Variants in MUC4 observed in about 807,000 individuals in gnomAD.
MUC4 encodes mucin 4, cell surface associated, also known as mucin-4.
In MUC4, 202 loss-of-function variants were observed where a neutral mutation model predicts 257.9. The ratio of observed to expected loss-of-function variants is 0.78; its 90% CI spans 0.70 to 0.88. The LOEUF is 0.88. Ranked by LOEUF, MUC4 falls within the 40% of genes least tolerant of loss-of-function variation. MUC4 has a pLI of 0.00. For synonymous variants in MUC4, 2,351 were observed against 2,757.1 expected (o/e 0.85, Z 4.62); for missense variants, 5,976 against 6,513.7 (o/e 0.92, Z 2.84).
rs189235965 is a variant in MUC4, at chr3:195,764,168, C to T, written c.13925-4G>A. 575 of 1,561,516 alleles carry T rather than the reference C, an allele frequency of 3.7e-4. 1 individual carries two copies. Among genetic ancestry groups the T allele is most frequent in the South Asian group, 4.6e-4 (39 of 84,958 alleles). On this transcript the variant is annotated splice_polypyrimidine_tract_variant and splice_region_variant and intron_variant, in intron 10 of 24. Transcript: ENST00000463781. ...CTCTGTGGCTCCAGTTCCTGGGCTG[C>T]GGAGAACAGCAGTGAGTCGGGGAGG...
rs1235920304 is a variant in MUC4 at position 195,810,520 on chromosome 3, TC to T, written c.82+1215del. ...ACATCTCCCACAGGCCTGGCATCCC[TC>T]CCCTCCCAGCTCTGTACACGGAGGA... On this transcript the variant is annotated intron_variant, in intron 1 of 24. Coordinates refer to ENST00000463781, the MANE Select transcript of MUC4 (RefSeq NM_018406.7). The surrounding 1 kb of genome is among the most constrained non-coding windows in gnomAD (Gnocchi z 4.2). Among the ~76,000 whole-genome samples, 3 of 151,738 alleles carry T rather than the reference TC, an allele frequency of 2.0e-5. No individual in the cohort carries two copies. The highest frequency in any genetic ancestry group is 7.3e-5 in the African/African-American group (3 of 41,272).
At chr3:195,770,648 G>C (rs1722594057) in intron 5 of MUC4, 1 of 530,782 alleles carries the variant, frequency 1.9e-6, no homozygotes, top group Non-Finnish European at 3.4e-6. Flanking sequence ...AACTGGCCCA[G>C]AGAGCAGAGC....
At position 195,780,068 on chromosome 3, in the gene MUC4, C is replaced by G. The variant is rs200448491; in HGVS notation, c.11512G>C (p.Ala3838Pro). ...GGGATGGTGACAGGAAGAGGGGTGG[C>G]GTGACCTGTGGATGCTGAGGAAGCG... is the stretch of plus-strand genomic sequence containing the variant. ...TDASSASTGH[A>P]TPLPVTIPSS... The change falls in exon 2 of 25, where the codon GCC (alanine) becomes CCC (proline). Residue 3838 changes from alanine to proline, a missense_variant. By Grantham distance (27) the Ala-to-Pro change is conservative (BLOSUM62 -1). Transcript: ENST00000463781. 1 of 736,400 alleles carries G rather than the reference C, an allele frequency of 1.4e-6. No individual in the cohort carries two copies. Among genetic ancestry groups the G allele is most frequent in the Non-Finnish European group, 1.7e-6 (1 of 578,674 alleles). The allele number at this position is 736,400 out of a possible 1,614,324, so 45.6% of individuals were successfully genotyped here.
rs1255320421 is a variant in MUC4, at chr3:195,750,871, C to T, written c.15871+18G>A. ...CCCGCAGTGACCCCCATAGTGTCCC[C>T]GGAATGGACGGACTCACGGGCTGTC... On this transcript the variant is annotated intron_variant, in intron 23 of 24. Coordinates refer to ENST00000463781, the MANE Select transcript of MUC4 (RefSeq NM_018406.7). 1 of 1,611,338 alleles carries T rather than the reference C, an allele frequency of 6.2e-7. No homozygotes were observed. The highest frequency in any genetic ancestry group is 8.5e-7 in the Non-Finnish European group (1 of 1,178,948).
intron 12 of MUC4, 30 bp from the exon 13 acceptor site, chr3:195,762,975 C>A: frequency 6.7e-7 from 1 of 1,498,796 alleles, no homozygotes; most frequent in Non-Finnish European, 9.0e-7. Flanking sequence ...GGCCTGAGCC[C>A]GACCCGCAGG....
intron 16 of MUC4, among the ~76,000 whole-genome samples, chr3:195,760,639 ACG>A (rs1560239590): frequency 0.069 from 4,442 of 64,448 alleles, 495 homozygotes; most frequent in African/African-American, 0.24. Flanking sequence ...GCTAGGATGG[ACG>A]GAGGGGGCTG....
intron 1 of MUC4, among the ~76,000 whole-genome samples, chr3:195,808,111 G>A (rs368140254): frequency 1.3e-5 from 2 of 152,240 alleles, no homozygotes; most frequent in African/African-American, 4.8e-5. Context: ...TTAGAGGCAC[G>A]AGGATCCTTA....
In MUC4 at chr3:195,754,372, C is replaced by T. The variant is rs1349365676; in HGVS notation, c.15169G>A (p.Val5057Met). 5 of 1,604,934 alleles carry T rather than the reference C, an allele frequency of 3.1e-6. No individual in the cohort carries two copies. In the South Asian group the frequency reaches 3.3e-5, roughly 11 times the overall value. ...CCCCCGTCACACTTGCAGCCAGCCACCTGGAGGAGGGTTGCCGATCACGGG... is the reference window on the plus strand; with the variant it reads ...CCCCCGTCACACTTGCAGCCAGCCATCTGGAGGAGGGTTGCCGATCACGGG... The part of the protein sequence containing the change: ...TSRVGNSSLE[V>M]AGCKCDGGTF... The change falls in exon 19 of 25, where the codon GTG (valine) becomes ATG (methionine). Residue 5057 changes from valine (V) to methionine (M), a missense_variant and splice_region_variant. Physicochemically the swap from Val to Met is conservative, Grantham distance 21. Coordinates refer to ENST00000463781, the MANE Select transcript of MUC4 (RefSeq NM_018406.7).
At chr3:195,768,870 TG>T in intron 7 of MUC4, 151 bp downstream of exon 7, 1 of 1,019,364 alleles carries the variant, frequency 9.8e-7, no homozygotes, top group Non-Finnish European at 1.4e-6. Context: ...GCCAGATGCC[TG>T]GCCCCAGCGG....
In MUC4 at chr3:195,789,126, G is replaced by A. The variant is rs772197747; in HGVS notation, c.2454C>T (p.Ser818=). The change falls in exon 2 of 25, where the codon AGC becomes AGT. Residue 818 remains serine (S), a synonymous_variant. Transcript: ENST00000463781. The part of the protein sequence containing the change: ...SGASGTTPSG[S]EGISTSGETT... Reference sequence around the variant, plus strand: ...TCTCTCCTGAGGTGGATATTCCTTCGCTTCCTGAAGGTGTTGTGCCACTCG... The same window carrying A: ...TCTCTCCTGAGGTGGATATTCCTTCACTTCCTGAAGGTGTTGTGCCACTCG... 39 of 1,613,494 alleles carry A rather than the reference G, an allele frequency of 2.4e-5. No homozygotes were observed. Among genetic ancestry groups the A allele is most frequent in the Non-Finnish European group, 2.7e-5 (32 of 1,179,766 alleles).
intron 1 of MUC4, among the ~76,000 whole-genome samples, chr3:195,802,801 A>G (rs1371958674): frequency 6.6e-6 from 1 of 152,156 alleles, no homozygotes; most frequent in Non-Finnish European, 1.5e-5. Flanking sequence ...TCTGCGGGAG[A>G]CATTGTTCAG....
rs1728175616 is a variant in MUC4 at position 195,781,705 on chromosome 3, C to A, written c.9875G>T (p.Gly3292Val). The A allele has an allele frequency of 6.7e-7, 1 of 1,487,042 alleles. No homozygotes were observed. The highest frequency in any genetic ancestry group is 9.0e-7 in the Non-Finnish European group (1 of 1,112,144). 92.1% of individuals were successfully genotyped at this position (1,487,042 alleles called of 1,614,324 possible). The change falls in exon 2 of 25, where the codon GGT becomes GTT. Residue 3292 changes from glycine (G) to valine (V), a missense_variant. Coordinates refer to ENST00000463781, the MANE Select transcript of MUC4 (RefSeq NM_018406.7). ...PVTDTSSSST[G>V]DTTPLLVTET... ...GGTGACAAGAAGAGGGGTGGTGTCA[C>A]CTGTGGATGATGAGGAAGTGTCGGT...
chr3:195,783,343 G>A lies in MUC4; in HGVS notation c.8237C>T (p.Ser2746Phe). Residue 2746 changes from serine to phenylalanine, a missense_variant, in exon 2 of 25, where the codon TCC becomes TTC. This residue lies in a region of MUC4 where 75 missense variants were observed against 58.7 expected (regional missense o/e 1.28). Transcript: ENST00000463781. ...AGGAAGAGGGGTGGTGTCACCTGTG[G>A]ATACTGAGGAAGTCTCGGTGACAAG... ...PLLVTETSSVSTGDTTPLPVT... is the reference protein window; with the variant it reads ...PLLVTETSSVFTGDTTPLPVT... 1.8e-6 allele frequency: 2 copies of A among 1,128,916 alleles called. No individual in the cohort carries two copies. Among genetic ancestry groups the A allele is most frequent in the Non-Finnish European group, 2.4e-6 (2 of 822,482 alleles). 69.9% of individuals were successfully genotyped at this position (1,128,916 alleles called of 1,614,324 possible).
intron 18 of MUC4, among the ~76,000 whole-genome samples, 188 bp downstream of exon 18, chr3:195,756,959 C>A (rs1717797023): frequency 6.6e-6 from 1 of 152,314 alleles, no homozygotes; most frequent in East Asian, 1.9e-4. Context: ...CTGCACCCGG[C>A]CAGAAAGTTC....
At chr3:195,807,656 G>T (rs932474994) in intron 1 of MUC4, among the ~76,000 whole-genome samples, 1 of 152,258 alleles carries the variant, frequency 6.6e-6, no homozygotes, top group South Asian at 2.1e-4. Flanking sequence ...CTGAAACTAG[G>T]GGGAGAGAGA....
intron 17 of MUC4, 132 bp downstream of exon 17, chr3:195,758,992 G>A (rs1019663768): frequency 9.6e-6 from 12 of 1,251,474 alleles, no homozygotes; most frequent in African/African-American, 4.5e-5. Context: ...CGGAAATGCC[G>A]GTCCTGGATA....
At chr3:195,747,417 G>C in intron 24 of MUC4, 37 bp from the exon 25 acceptor site, 1 of 1,599,984 alleles carries the variant, frequency 6.3e-7, no homozygotes, top group Non-Finnish European at 8.5e-7. Context: ...GGTCAGAGGC[G>C]GGAGCTCAGC....
In MUC4 at chr3:195,762,090, G is replaced by A. The variant is rs1397531197; in HGVS notation, c.14509C>T (p.Leu4837=). 7 of 1,595,116 alleles carry A rather than the reference G, an allele frequency of 4.4e-6. 1 individual carries two copies. The Admixed American group carries it at 6.8e-5, about 16-fold the overall frequency. ...GGCAGGTCCGAGCCGCCCTCACCCAGGAGCCCCTCCGTGCGGTTCTGGTAC... is the reference window on the plus strand; with the variant it reads ...GGCAGGTCCGAGCCGCCCTCACCCAAGAGCCCCTCCGTGCGGTTCTGGTAC... ...PEYQNRTEGL[L]GVWNNNPEDD... The change falls in exon 14 of 25, where the codon CTG becomes TTG. Residue 4837 remains leucine, a synonymous_variant. Coordinates refer to ENST00000463781, the MANE Select transcript of MUC4 (RefSeq NM_018406.7).
At chr3:195,769,912 G>A (rs1414147486) in intron 6 of MUC4, among the ~76,000 whole-genome samples, 4 of 152,170 alleles carry the variant, frequency 2.6e-5, no homozygotes, top group Admixed American at 6.5e-5. Context: ...ACTGAGCCAC[G>A]TGAAATTGTG....
Sources: gnomAD v4.1 joint callset for allele counts (sites outside exome capture counted in the v4.1 genomes callset) on GRCh38, gnomAD v4.1.1 for gene constraint, gnomAD v4.1.1 regional missense constraint, Gnocchi (gnomAD v3.1) non-coding constraint, MANE v1.5 for transcripts, NCBI Gene and HGNC (gene_info 2026-07-23, HGNC 2026-07-21) for gene names.